The following TMED8 variants were observed in gnomAD, a reference collection of about 807,000 sequenced individuals.
TMED8 encodes transmembrane p24 trafficking protein family member 8, also known as protein TMED8.
TMED8 carries 15 observed loss-of-function variants against 32.7 expected under a neutral mutation model. That is an observed-to-expected ratio of 0.46 (90% CI 0.31 to 0.71). The LOEUF (loss-of-function observed/expected upper bound fraction) is 0.71. TMED8 is among the 30% of genes least tolerant of loss of function. The probability of loss-of-function intolerance (pLI) is 0.06; values close to 1 mark genes in which losing one functional copy is unlikely to be tolerated. For missense variants in TMED8, 390 were observed against 423.9 expected (o/e 0.92, Z 0.70); for synonymous variants, 147 against 161.4 (o/e 0.91, Z 0.68).
intron 1 of TMED8, among the ~76,000 whole-genome samples, chr14:77,352,286 C>T (rs1893197677): frequency 6.6e-6 from 1 of 151,986 alleles, no homozygotes; most frequent in Non-Finnish European, 1.5e-5. Context: ...TGATGGTGCA[C>T]ACCTGTAATC....
intron 1 of TMED8, among the ~76,000 whole-genome samples, chr14:77,367,254 A>AAC (rs1893573635): frequency 6.6e-6 from 1 of 150,816 alleles, no homozygotes; most frequent in Non-Finnish European, 1.5e-5. Flanking sequence ...AAAAAAAAAA[A>AAC]AAAAAAAAAA....
At chr14:77,346,570 AC>A in intron 2 of TMED8, 92 bp from the exon 3 acceptor site, 1 of 1,522,608 alleles carries the variant, frequency 6.6e-7, no homozygotes, top group Non-Finnish European at 9.0e-7. Flanking sequence ...CATTCGAGAT[AC>A]CCCCTGCCCC....
At chr14:77,368,142 C>G (rs1370098869) in intron 1 of TMED8, among the ~76,000 whole-genome samples, 1 of 152,186 alleles carries the variant, frequency 6.6e-6, no homozygotes. Flanking sequence ...ACAGTGCATA[C>G]ATTTATGTTG....
In TMED8 at chr14:77,376,850, G is replaced by T; in HGVS notation, c.118+86C>A. ...TGGGTCCGCTCCGCGGGGAAGCCCA[G>T]GACAGAGCGCGGCGGAGGCTCGCGC... On this transcript the variant is annotated intron_variant, in intron 1 of 5. Coordinates refer to ENST00000216468, the MANE Select transcript of TMED8 (RefSeq NM_213601.3). The surrounding 1 kb of genome is among the most constrained non-coding windows in gnomAD (Gnocchi z 4.0). 1 of 907,748 alleles carries T rather than the reference G, an allele frequency of 1.1e-6. No individual in the cohort carries two copies. Among genetic ancestry groups the T allele is most frequent in the Non-Finnish European group, 1.5e-6 (1 of 665,296 alleles). 56.2% of individuals were successfully genotyped at this position (907,748 alleles called of 1,614,324 possible).
At chr14:77,344,140 G>T (rs1217267099) in intron 3 of TMED8, among the ~76,000 whole-genome samples, 1 of 152,192 alleles carries the variant, frequency 6.6e-6, no homozygotes, top group Non-Finnish European at 1.5e-5. Context: ...CATTGACTGT[G>T]ATTCTGGGCC....
chr14:77,361,883 T>C (rs958268825), intron 1 of TMED8, among the ~76,000 whole-genome samples: 1 of 152,118 alleles, frequency 6.6e-6, no homozygotes, highest in African/African-American at 2.4e-5. Context: ...TCGACCTCCA[T>C]GGCTCAAGCA....
At chr14:77,344,715 C>T (rs72681263) in intron 3 of TMED8, among the ~76,000 whole-genome samples, 2,157 of 152,322 alleles carry the variant, frequency 0.014, 29 homozygotes, top group Middle Eastern at 0.054. Context: ...AGTGAGTCAG[C>T]AATCCAGTTA....
rs145635092 is a variant in TMED8, at chr14:77,359,377, T to C, written c.119-7626A>G. 1.6e-3 allele frequency: 350 copies of C among 213,242 alleles called. 3 individuals are homozygous for C. Among genetic ancestry groups the C allele is most frequent in the Admixed American group, 2.6e-3 (44 of 16,612 alleles). 13.2% of individuals were successfully genotyped at this position (213,242 alleles called of 1,614,324 possible). A position where few individuals can be genotyped will look rare whatever the true frequency, so the allele number is the denominator to read the frequency against. On this transcript the variant is annotated intron_variant, in intron 1 of 5. Coordinates refer to ENST00000216468, the MANE Select transcript of TMED8 (RefSeq NM_213601.3). ...TCTTCATCTGGCTGTTTATCCTTTA[T>C]AATAAACACTGGTTTATTATATAAA...
At position 77,343,380 on chromosome 14, in the gene TMED8, C is replaced by T. The variant is rs949349790; in HGVS notation, c.558G>A (p.Lys186=). 1 of 1,614,194 alleles carries T rather than the reference C, an allele frequency of 6.2e-7. No individual in the cohort carries two copies. Among genetic ancestry groups the T allele is most frequent in the Non-Finnish European group, 8.5e-7 (1 of 1,180,026 alleles). ...GKEKNSRLVV[K]RGEVVTIRVP... ...CCCGGATGGTCACCACCTCACCACGCTTCACCACCAGACGGCTGTTCTTCT... is the reference window on the plus strand; with the variant it reads ...CCCGGATGGTCACCACCTCACCACGTTTCACCACCAGACGGCTGTTCTTCT... The change falls in exon 5 of 6, where the codon AAG becomes AAA. Residue 186 remains lysine (K), a synonymous_variant. Transcript: ENST00000216468.
rs780349339 is a variant in TMED8, at chr14:77,377,082, G to A, written c.-29C>T. The A allele has an allele frequency of 8.0e-5, 105 of 1,315,080 alleles. No homozygotes were observed. The highest frequency in any genetic ancestry group is 1.0e-4 in the Non-Finnish European group (103 of 1,022,444). The allele number at this position is 1,315,080 out of a possible 1,614,324, so 81.5% of individuals were successfully genotyped here. On this transcript the variant is annotated 5_prime_UTR_variant, in exon 1 of 6. Coordinates refer to ENST00000216468, the MANE Select transcript of TMED8 (RefSeq NM_213601.3). ...CAGCCCGCGCACGGAGCTCTCCGCT[G>A]CCAGCCGCGAGTGGCTCCGGAAACA...
In TMED8 at chr14:77,341,955, G is replaced by C; in HGVS notation, c.794C>G (p.Ser265Cys). Residue 265 changes from serine to cysteine, a missense_variant, in exon 6 of 6, where the codon TCC becomes TGC. Ser to Cys is a moderately radical substitution (Grantham distance 112). Transcript: ENST00000216468. ...PVPAGDVERG[S>C]RSSLRGRYGE... ...ATAGCGACCCCGCAAGGAGCTCCTGGAGCCTCTCTCCACATCTCCAGCTGG... is the reference window on the plus strand; with the variant it reads ...ATAGCGACCCCGCAAGGAGCTCCTGCAGCCTCTCTCCACATCTCCAGCTGG... The C allele has an allele frequency of 1.9e-6, 3 of 1,614,038 alleles. No homozygotes were observed. Among genetic ancestry groups the C allele is most frequent in the Non-Finnish European group, 2.5e-6 (3 of 1,180,034 alleles).
chr14:77,377,057 CA>C lies in TMED8; in HGVS notation c.-5del, dbSNP rs1276056253. The C allele has an allele frequency of 2.2e-6, 3 of 1,359,660 alleles. No individual in the cohort carries two copies. The South Asian group carries it at 5.2e-5, about 24-fold the overall frequency. 84.2% of individuals were successfully genotyped at this position (1,359,660 alleles called of 1,614,324 possible). A position where few individuals can be genotyped will look rare whatever the true frequency, so the allele number is the denominator to read the frequency against. ...CAGCCGCCTGCAGGTCAGACATCTG[CA>C]GCCCGCGCACGGAGCTCTCCGCTGC... On this transcript the variant is annotated 5_prime_UTR_variant, in exon 1 of 6. Coordinates refer to ENST00000216468, the MANE Select transcript of TMED8 (RefSeq NM_213601.3).
Position 77,341,638 on chromosome 14 carries a change from A to T in TMED8, c.*133T>A. The T allele has an allele frequency of 1.2e-6, 1 of 833,690 alleles. No homozygotes were observed. The highest frequency in any genetic ancestry group is 1.9e-6 in the Non-Finnish European group (1 of 522,126). 51.6% of individuals were successfully genotyped at this position (833,690 alleles called of 1,614,324 possible). A position where few individuals can be genotyped will look rare whatever the true frequency, so the allele number is the denominator to read the frequency against. On this transcript the variant is annotated 3_prime_UTR_variant, in exon 6 of 6. Transcript: ENST00000216468. ...GAAAAAGCTACGTGGGCCAACAGTC[A>T]GGCATGCCAGACAGGGTGTGAGGCT...
chr14:77,376,951 G>A lies in TMED8; in HGVS notation c.103C>T (p.Gln35Ter). ...VGDCQGVEGS[Q>*]AAASENEDLE... ...CCTTGCGTACCTGAGGCGGCCGCCTGGCTCCCCTCCACTCCCTGGCAGTCC... is the reference window on the plus strand; with the variant it reads ...CCTTGCGTACCTGAGGCGGCCGCCTAGCTCCCCTCCACTCCCTGGCAGTCC... Residue 35 changes from glutamine to a stop codon, truncating the protein, a stop_gained, in exon 1 of 6, where the codon CAG becomes TAG. Transcript: ENST00000216468. LOFTEE classifies it high-confidence loss of function. The surrounding 1 kb of genome is among the most constrained non-coding windows in gnomAD (Gnocchi z 4.0). 4 of 1,457,554 alleles carry A rather than the reference G, an allele frequency of 2.7e-6. No individual in the cohort carries two copies. Among genetic ancestry groups the A allele is most frequent in the Non-Finnish European group, 3.6e-6 (4 of 1,112,406 alleles). 90.3% of individuals were successfully genotyped at this position (1,457,554 alleles called of 1,614,324 possible).
chr14:77,346,564 C>T (rs1893041962), intron 2 of TMED8, 86 bp from the exon 3 acceptor site: 7 of 1,554,404 alleles, frequency 4.5e-6, no homozygotes, highest in South Asian at 1.1e-5. Flanking sequence ...AAACAACATT[C>T]GAGATACCCC....
intron 1 of TMED8, among the ~76,000 whole-genome samples, chr14:77,361,721 TTG>T (rs1353733127): frequency 6.6e-6 from 1 of 152,174 alleles, no homozygotes; most frequent in African/African-American, 2.4e-5. Flanking sequence ...TCCCATATGT[TTG>T]TGTCTTCTTA....
intron 2 of TMED8, among the ~76,000 whole-genome samples, chr14:77,348,896 G>A (rs1050718064): frequency 6.6e-6 from 1 of 152,148 alleles, no homozygotes; most frequent in Non-Finnish European, 1.5e-5. Context: ...AGGTTCACTT[G>A]GGTAATTCAG....
At chr14:77,367,240 TAAAAAAAAAAA>T (rs56707120) in intron 1 of TMED8, among the ~76,000 whole-genome samples, 1 of 25,074 alleles carries the variant, frequency 4.0e-5, no homozygotes, top group African/African-American at 1.3e-4. Context: ...AGACTCTGTC[TAAAAAAAAAAA>T]AAAAAAAAAA....
intron 1 of TMED8, among the ~76,000 whole-genome samples, chr14:77,358,904 GT>G (rs1318571607): frequency 6.6e-6 from 1 of 151,640 alleles, no homozygotes; most frequent in Non-Finnish European, 1.5e-5. Context: ...TTTTTTGTTT[GT>G]TTGTTTGTTT....
Sources: gnomAD v4.1 joint callset for allele counts (sites outside exome capture counted in the v4.1 genomes callset) on GRCh38, gnomAD v4.1.1 for gene constraint, Gnocchi (gnomAD v3.1) non-coding constraint, MANE v1.5 for transcripts, NCBI Gene and HGNC (gene_info 2026-07-23, HGNC 2026-07-21) for gene names.